Variants in PTPRT observed in about 807,000 individuals in gnomAD.
PTPRT encodes the protein receptor-type tyrosine-protein phosphatase T.
Under a neutral mutation model 176.8 loss-of-function variants are expected in PTPRT, and 56 were observed. The observed-to-expected ratio is 0.32, with a 90% CI of 0.26 to 0.40. The LOEUF (loss-of-function observed/expected upper bound fraction) is 0.40. Among genes scored for constraint, PTPRT ranks in the 10% least tolerant of loss-of-function variants. The pLI, the probability that PTPRT is intolerant of heterozygous loss-of-function variation, is 1.00. For missense variants in PTPRT, 1,540 were observed against 1,908.2 expected, an observed-to-expected ratio of 0.81 and a Z score of 3.60; for synonymous variants, 783 against 739.0, an observed-to-expected ratio of 1.06 and a Z score of -0.96.
chr20:42,519,314 G>A (rs1162610249), intron 7 of PTPRT, among the ~76,000 whole-genome samples: 2 of 152,022 alleles, frequency 1.3e-5, no homozygotes, highest in Non-Finnish European at 2.9e-5. Flanking sequence ...CCTTTGTATT[G>A]CTGAGTAGTA....
intron 6 of PTPRT, among the ~76,000 whole-genome samples, chr20:42,681,064 G>T (rs1296585622): frequency 6.6e-6 from 1 of 152,154 alleles, no homozygotes; most frequent in Non-Finnish European, 1.5e-5. Flanking sequence ...AATTGGCATT[G>T]TTTAGAAGGC....
chr20:42,054,445 A>G, the PTPRT span, among the ~76,000 whole-genome samples: 7 of 152,194 alleles, frequency 4.6e-5, no homozygotes, highest in Non-Finnish European at 8.8e-5. Context: ...AACTGTGCCA[A>G]TGATTTTAGC....
At chr20:43,121,889 A>G (rs1236756327) in intron 1 of PTPRT, among the ~76,000 whole-genome samples, 4 of 152,218 alleles carry the variant, frequency 2.6e-5, no homozygotes, top group Non-Finnish European at 5.9e-5. Flanking sequence ...GTCATCTCAC[A>G]TAAAGTGTTC....
At chr20:42,814,148 C>G (rs531749239) in intron 2 of PTPRT, among the ~76,000 whole-genome samples, 1 of 152,102 alleles carries the variant, frequency 6.6e-6, no homozygotes, top group African/African-American at 2.4e-5. Flanking sequence ...CCTAGCTATA[C>G]CTCTCCACAT....
At chr20:42,041,874 A>G in the PTPRT span, among the ~76,000 whole-genome samples, 1 of 152,196 alleles carries the variant, frequency 6.6e-6, no homozygotes, top group African/African-American at 2.4e-5. Flanking sequence ...GGGTAGTGGC[A>G]TAATCGAAAT....
intron 18 of PTPRT, among the ~76,000 whole-genome samples, chr20:42,140,040 C>T (rs907637629): frequency 2.0e-5 from 3 of 152,252 alleles, no homozygotes; most frequent in Non-Finnish European, 4.4e-5. Flanking sequence ...CCATTCATAG[C>T]CCATTCCTAA....
intron 9 of PTPRT, among the ~76,000 whole-genome samples, chr20:42,398,251 T>C (rs778435193): frequency 1.3e-5 from 2 of 152,156 alleles, no homozygotes; most frequent in African/African-American, 4.8e-5. Flanking sequence ...ATTAAACTAA[T>C]GGTTAATAAA....
At chr20:42,319,049 G>A (rs1343891244) in intron 11 of PTPRT, among the ~76,000 whole-genome samples, 1 of 152,154 alleles carries the variant, frequency 6.6e-6, no homozygotes, top group Non-Finnish European at 1.5e-5. Flanking sequence ...ATTAGACACA[G>A]CCATAATATC....
intron 1 of PTPRT, among the ~76,000 whole-genome samples, chr20:43,105,370 T>G (rs1256553378): frequency 1.3e-5 from 2 of 151,408 alleles, no homozygotes; most frequent in African/African-American, 4.9e-5. Flanking sequence ...CTTTACCGAC[T>G]CCATGAAGAT....
At chr20:42,126,033 G>GC (rs1265576320) in intron 19 of PTPRT, among the ~76,000 whole-genome samples, 1 of 148,964 alleles carries the variant, frequency 6.7e-6, no homozygotes, top group African/African-American at 2.5e-5. Context: ...AGTGGGGGGG[G>GC]GGAGGGGAAG....
rs561162400 is a variant in PTPRT at position 42,970,855 on chromosome 20, A to C, written c.89-84923T>G. The C allele has an allele frequency of 3.3e-5, 5 of 152,238 alleles. No homozygotes were observed. The South Asian group carries it at 1.0e-3, about 32-fold the overall frequency. 9.4% of individuals were successfully genotyped at this position (152,238 alleles called of 1,614,324 possible). On this transcript the variant is annotated intron_variant, in intron 1 of 30. Coordinates refer to ENST00000373187, the MANE Select transcript of PTPRT (RefSeq NM_007050.6). The stretch of plus-strand genomic sequence containing the variant: ...GTGGTAATATGGTAAAATACTTTGG[A>C]GGAACTGGATGTATTTTTCCTCTGG...
At chr20:42,247,183 G>A (rs1361692737) in intron 14 of PTPRT, among the ~76,000 whole-genome samples, 2 of 152,186 alleles carry the variant, frequency 1.3e-5, no homozygotes, top group African/African-American at 2.4e-5. Flanking sequence ...TGTGCTGGGA[G>A]CTTGAGGCAA....
intron 15 of PTPRT, among the ~76,000 whole-genome samples, chr20:42,231,222 C>T (rs560794811): frequency 1.3e-5 from 2 of 152,240 alleles, no homozygotes; most frequent in African/African-American, 4.8e-5. Flanking sequence ...GTACCTGGCT[C>T]TTCTTCAACC....
At chr20:42,336,739 C>A (rs972134381) in intron 11 of PTPRT, among the ~76,000 whole-genome samples, 4 of 152,060 alleles carry the variant, frequency 2.6e-5, no homozygotes, top group African/African-American at 9.7e-5. Context: ...AAATTTTCAA[C>A]CATATGGAAA....
chr20:42,544,677 C>T (rs2072642487), intron 7 of PTPRT, among the ~76,000 whole-genome samples: 1 of 152,240 alleles, frequency 6.6e-6, no homozygotes, highest in Admixed American at 6.5e-5. Flanking sequence ...CAGAGAGTAG[C>T]CTGGCTGTTT....
At chr20:42,145,676 A>C (rs568130683) in intron 17 of PTPRT, among the ~76,000 whole-genome samples, 20 of 152,312 alleles carry the variant, frequency 1.3e-4, no homozygotes, top group African/African-American at 3.8e-4. Context: ...CTAGCAACTG[A>C]AGATTCATTA....
At chr20:43,186,581 T>C (rs986011429) in intron 1 of PTPRT, among the ~76,000 whole-genome samples, 1 of 152,212 alleles carries the variant, frequency 6.6e-6, no homozygotes, top group Non-Finnish European at 1.5e-5. Context: ...GCTGGCAGCC[T>C]GACACCTTCA....
At chr20:42,687,938 A>G (rs1378223504) in intron 6 of PTPRT, 1 of 152,176 alleles carries the variant, frequency 6.6e-6, no homozygotes, top group East Asian at 1.9e-4. Flanking sequence ...TATTCCTCAT[A>G]TCACACCGGA....
intron 16 of PTPRT, among the ~76,000 whole-genome samples, chr20:42,175,245 G>T (rs1400645855): frequency 2.0e-5 from 3 of 152,114 alleles, no homozygotes; most frequent in Non-Finnish European, 4.4e-5. Context: ...TCAAGGCTAT[G>T]ATTGGTCTAG....
Sources: gnomAD v4.1 joint callset for allele counts (sites outside exome capture counted in the v4.1 genomes callset) on GRCh38, gnomAD v4.1.1 for gene constraint, MANE v1.5 for transcripts, NCBI Gene and HGNC (gene_info 2026-07-23, HGNC 2026-07-21) for gene names.